Variants in GTF3C3 observed in about 807,000 individuals in gnomAD.
The protein encoded by GTF3C3 is general transcription factor IIIC subunit 3, also known as general transcription factor 3C polypeptide 3.
In GTF3C3, 75 loss-of-function variants were observed where a neutral mutation model predicts 105.2. The observed-to-expected ratio is 0.71, with a 90% confidence interval of 0.59 to 0.86. GTF3C3 has a LOEUF of 0.86. Ranked by LOEUF, GTF3C3 falls within the 40% of genes least tolerant of loss-of-function variation. GTF3C3 has a pLI of 0.00. For missense variants in GTF3C3, 856 were observed against 1,076.5 expected (o/e 0.80, Z 2.87); for synonymous variants, 335 against 370.4 (o/e 0.90, Z 1.10).
chr2:196,776,188 T>C lies in GTF3C3; in HGVS notation c.1594-77A>G, dbSNP rs1699256616. On this transcript the variant is annotated intron_variant, in intron 11 of 17. Coordinates refer to ENST00000263956, the MANE Select transcript of GTF3C3 (RefSeq NM_012086.5). This position sits in a 1 kb window ranked among gnomAD's most constrained non-coding sequence, Gnocchi z 4.5. ...ATTGTTTTATTTGCATAGAAACATT[T>C]TTAAAAAAACAAACCATATTGCTTT... 1.2e-6 allele frequency: 1 copy of C among 859,816 alleles called. No individual in the cohort carries two copies. The highest frequency in any genetic ancestry group is 1.8e-6 in the Non-Finnish European group (1 of 546,476). The allele number at this position is 859,816 out of a possible 1,614,324, so 53.3% of individuals were successfully genotyped here. A position where few individuals can be genotyped will look rare whatever the true frequency, so the allele number is the denominator to read the frequency against.
intron 17 of GTF3C3, among the ~76,000 whole-genome samples, chr2:196,765,534 T>A (rs1699045515): frequency 6.7e-6 from 1 of 150,336 alleles, no homozygotes; most frequent in Non-Finnish European, 1.5e-5. Context: ...CATATAAAAA[T>A]ATATATAAAT....
intron 13 of GTF3C3, 38 bp downstream of exon 13, chr2:196,775,078 C>T (rs1231729141): frequency 8.9e-6 from 14 of 1,564,386 alleles, no homozygotes; most frequent in Non-Finnish European, 1.1e-5. Flanking sequence ...TTCAATTCAG[C>T]CAAATTTTAT....
At position 196,784,888 on chromosome 2, in the gene GTF3C3, AGTTT is replaced by A; in HGVS notation, c.1079_1082del (p.Lys360IlefsTer26). On this transcript the variant is annotated frameshift_variant, in exon 8 of 18. Coordinates refer to ENST00000263956, the MANE Select transcript of GTF3C3 (RefSeq NM_012086.5). LOFTEE classifies it high-confidence loss of function. ...TCTCTTCTGAGGTGCCTTCTTCTGA[AGTTT>A]TTTTTTCCAGCACAATTCCAGAAAA... The A allele has an allele frequency of 6.2e-7, 1 of 1,610,984 alleles. No individual in the cohort carries two copies. Among genetic ancestry groups the A allele is most frequent in the Non-Finnish European group, 8.5e-7 (1 of 1,178,048 alleles).
chr2:196,778,747 G>T, intron 10 of GTF3C3, 149 bp downstream of exon 10: 1 of 668,086 alleles, frequency 1.5e-6, no homozygotes. Context: ...TCACTTAGTA[G>T]CCTAGCAAGA....
At chr2:196,767,676 T>C (rs1699091844) in intron 16 of GTF3C3, among the ~76,000 whole-genome samples, 1 of 152,220 alleles carries the variant, frequency 6.6e-6, no homozygotes, top group South Asian at 2.1e-4. Context: ...CTATGACCTC[T>C]ATTCCACTGA....
In GTF3C3 at chr2:196,794,264, A is replaced by G. The variant is rs529675185; in HGVS notation, c.215-1112T>C. On this transcript the variant is annotated intron_variant, in intron 2 of 17. Coordinates refer to ENST00000263956, the MANE Select transcript of GTF3C3 (RefSeq NM_012086.5). ...CTCAGCCTCCCTAACTATAAGAAAT[A>G]AATTATTTTTCCTTATAAATTACCG... Among the ~76,000 whole-genome samples, 7 of 152,236 alleles carry G rather than the reference A, an allele frequency of 4.6e-5. No individual in the cohort carries two copies. The South Asian group carries it at 8.3e-4, about 18-fold the overall frequency.
In GTF3C3 at chr2:196,786,079, A is replaced by G. The variant is rs1699448862; in HGVS notation, c.894-491T>C. Among the ~76,000 whole-genome samples, 1 of 152,174 alleles carries G rather than the reference A, an allele frequency of 6.6e-6. No individual in the cohort carries two copies. On this transcript the variant is annotated intron_variant, in intron 6 of 17. Coordinates refer to ENST00000263956, the MANE Select transcript of GTF3C3 (RefSeq NM_012086.5). The surrounding 1 kb of genome is among the most constrained non-coding windows in gnomAD (Gnocchi z 4.2). ...ATCTACTCTTCACCACCACCTGCCC[A>G]GCTGACCATGTTGACTGGTCTCACT... is the stretch of plus-strand genomic sequence containing the variant.
rs1431708090 is a variant in GTF3C3 at position 196,776,437 on chromosome 2, G to A, written c.1583C>T (p.Ala528Val). ...TGTGACATGGCCCACCTGCTGTGCAGCATTTGCATCCTGTGCTAAAGTATC... is the reference window on the plus strand; with the variant it reads ...TGTGACATGGCCCACCTGCTGTGCAACATTTGCATCCTGTGCTAAAGTATC... ...DPDTLAQDAN[A>V]AQQELKLLLH... is the part of the protein sequence containing the mutation. The change falls in exon 11 of 18, where the codon GCT becomes GTT. Residue 528 changes from alanine (A) to valine (V), a missense_variant. This residue lies in a region of GTF3C3 where 605 missense variants were observed against 833.6 expected (regional missense o/e 0.73). Coordinates refer to ENST00000263956, the MANE Select transcript of GTF3C3 (RefSeq NM_012086.5). The surrounding 1 kb of genome is among the most constrained non-coding windows in gnomAD (Gnocchi z 4.5). 2 of 1,613,500 alleles carry A rather than the reference G, an allele frequency of 1.2e-6. No individual in the cohort carries two copies. Among genetic ancestry groups the A allele is most frequent in the Admixed American group, 1.7e-5 (1 of 60,024 alleles).
At chr2:196,773,774 A>T (rs770645916) in intron 13 of GTF3C3, 4 of 332,334 alleles carry the variant, frequency 1.2e-5, no homozygotes, top group Non-Finnish European at 2.4e-5. Context: ...TTCAATTCTC[A>T]TAAGGAGCGT....
chr2:196,781,786 GAGC>G (rs1199058128), intron 8 of GTF3C3, among the ~76,000 whole-genome samples: 6 of 152,050 alleles, frequency 3.9e-5, no homozygotes, highest in Non-Finnish European at 5.9e-5. Flanking sequence ...CTCAACGAGA[GAGC>G]AGAATTTACC....
At chr2:196,788,185 C>T (rs1699484377) in intron 6 of GTF3C3, among the ~76,000 whole-genome samples, 1 of 152,192 alleles carries the variant, frequency 6.6e-6, no homozygotes, top group Non-Finnish European at 1.5e-5. Context: ...GAAATGTTTT[C>T]TAGTAGTCCT....
In GTF3C3 at chr2:196,799,625, G is replaced by A. The variant is rs745433815; in HGVS notation, c.-14C>T. ...GAACCCTGACATGTTTACAGGGTCT[G>A]TCTGTGCAACCCCAGGAACCGGGAC... On this transcript the variant is annotated 5_prime_UTR_variant, in exon 1 of 18. Coordinates refer to ENST00000263956, the MANE Select transcript of GTF3C3 (RefSeq NM_012086.5). 39 of 1,573,868 alleles carry A rather than the reference G, an allele frequency of 2.5e-5. No individual in the cohort carries two copies. Among genetic ancestry groups the A allele is most frequent in the Non-Finnish European group, 3.1e-5 (35 of 1,143,446 alleles).
At position 196,789,376 on chromosome 2, in the gene GTF3C3, A is replaced by C. The variant is rs1699508929; in HGVS notation, c.728-7T>G. On this transcript the variant is annotated splice_region_variant and splice_polypyrimidine_tract_variant and intron_variant, in intron 5 of 17. Transcript: ENST00000263956. The stretch of plus-strand genomic sequence containing the variant: ...GTAGGTTCATATTTAAGAGCTAAAA[A>C]GAAAGAAATACAAATTATTTACCAC... 6.4e-7 allele frequency: 1 copy of C among 1,571,518 alleles called. No individual in the cohort carries two copies. The highest frequency in any genetic ancestry group is 8.6e-7 in the Non-Finnish European group (1 of 1,157,444).
chr2:196,787,473 T>G (rs900560512), intron 6 of GTF3C3, among the ~76,000 whole-genome samples: 8 of 152,180 alleles, frequency 5.3e-5, no homozygotes, highest in African/African-American at 1.9e-4. Flanking sequence ...CCTTAATTCT[T>G]CAGCTTCCCT....
intron 9 of GTF3C3, 113 bp from the exon 10 acceptor site, chr2:196,779,180 T>C: frequency 2.5e-6 from 2 of 789,120 alleles, no homozygotes; most frequent in South Asian, 3.6e-5. Flanking sequence ...CACGCTGGAG[T>C]GCAGTGGCAC....
chr2:196,777,168 C>T (rs138725732), intron 10 of GTF3C3, among the ~76,000 whole-genome samples: 72 of 152,204 alleles, frequency 4.7e-4, no homozygotes, highest in African/African-American at 1.5e-3. Flanking sequence ...TGTATTTGGC[C>T]ACAGTGGGTG....
rs1699506026 is a variant in GTF3C3, at chr2:196,789,260, G to A, written c.837C>T (p.Asn279=). The A allele has an allele frequency of 6.2e-7, 1 of 1,613,388 alleles. No individual in the cohort carries two copies. The highest frequency in any genetic ancestry group is 8.5e-7 in the Non-Finnish European group (1 of 1,179,732). ...GTTCGCCATCAGATGGAGACAAAAGGTTTAAAATACGCCTATAACCATCCA... is the reference window on the plus strand; with the variant it reads ...GTTCGCCATCAGATGGAGACAAAAGATTTAAAATACGCCTATAACCATCCA... ...MAMDGYRRIL[N]LLSPSDGERF... is the part of the protein sequence containing the mutation. The change falls in exon 6 of 18, where the codon AAC becomes AAT. Residue 279 remains asparagine, a synonymous_variant. Transcript: ENST00000263956.
chr2:196,767,100 A>T lies in GTF3C3; in HGVS notation c.2386-383T>A, dbSNP rs148049793. 166 of 155,832 alleles carry T rather than the reference A, an allele frequency of 1.1e-3. No individual in the cohort carries two copies. In the East Asian group the frequency reaches 0.018, roughly 17 times the overall value. 9.7% of individuals were successfully genotyped at this position (155,832 alleles called of 1,614,324 possible). Reference sequence around the variant, plus strand: ...ATTGAGCAAGATATAAAATAATGATAATGTACAAAGGTTTCCTCTCAGGAG... The same window carrying T: ...ATTGAGCAAGATATAAAATAATGATTATGTACAAAGGTTTCCTCTCAGGAG... On this transcript the variant is annotated intron_variant, in intron 16 of 17. Transcript: ENST00000263956.
At chr2:196,769,574 T>G (rs1699133735) in intron 16 of GTF3C3, among the ~76,000 whole-genome samples, 1 of 152,190 alleles carries the variant, frequency 6.6e-6, no homozygotes, top group Non-Finnish European at 1.5e-5. Flanking sequence ...TGTATAATTT[T>G]TTTTTTCAAC....
Sources: allele counts gnomAD v4.1 joint callset (sites outside exome capture counted in the v4.1 genomes callset), GRCh38; gene constraint gnomAD v4.1.1; regional missense constraint gnomAD v4.1.1; non-coding constraint Gnocchi (gnomAD v3.1); transcripts MANE v1.5; gene names NCBI Gene and HGNC (gene_info 2026-07-23, HGNC 2026-07-21).